Variants in LPP observed in about 807,000 individuals in gnomAD.
LPP encodes the protein LIM domain containing preferred translocation partner in lipoma.
Under a neutral mutation model 60.4 loss-of-function variants are expected in LPP, and 38 were observed. The ratio of observed to expected loss-of-function variants is 0.63; its 90% CI spans 0.49 to 0.83. The LOEUF (loss-of-function observed/expected upper bound fraction) is 0.83, where lower values mean the gene tolerates loss of function less well. Among genes scored for constraint, LPP ranks in the 40% least tolerant of loss-of-function variants. LPP has a pLI of 0.00. For synonymous variants in LPP, 328 were observed against 290.8 expected, an observed-to-expected ratio of 1.13 and a Z score of -1.30; for missense variants, 902 against 783.6, an observed-to-expected ratio of 1.15 and a Z score of -1.80.
intron 6 of LPP, among the ~76,000 whole-genome samples, chr3:188,538,793 G>C (rs1317682350): frequency 6.6e-6 from 1 of 152,114 alleles, no homozygotes; most frequent in Non-Finnish European, 1.5e-5. Flanking sequence ...TCTATCAGTT[G>C]GTGAATGGAT....
intron 6 of LPP, among the ~76,000 whole-genome samples, chr3:188,606,443 T>C (rs1842391495): frequency 6.6e-6 from 1 of 152,120 alleles, no homozygotes; most frequent in Non-Finnish European, 1.5e-5. Context: ...GATAGAGTGG[T>C]ATCTTTTTGT....
intron 4 of LPP, among the ~76,000 whole-genome samples, chr3:188,479,660 G>A (rs1019591007): frequency 3.9e-5 from 6 of 152,206 alleles, no homozygotes; most frequent in African/African-American, 1.2e-4. Flanking sequence ...CTAACCAGGA[G>A]GGAGTGATCA....
chr3:188,742,454 C>G (rs375803800), intron 8 of LPP, among the ~76,000 whole-genome samples: 1 of 151,676 alleles, frequency 6.6e-6, no homozygotes, highest in East Asian at 1.9e-4. Flanking sequence ...GATGACTCAT[C>G]GGTAATAAAT....
At chr3:188,454,639 C>A (rs183735524) in intron 4 of LPP, among the ~76,000 whole-genome samples, 58 of 152,244 alleles carry the variant, frequency 3.8e-4, no homozygotes, top group Non-Finnish European at 7.6e-4. Context: ...CTTACAATTC[C>A]ACATGGCTGG....
intron 1 of LPP, among the ~76,000 whole-genome samples, chr3:188,177,458 A>C (rs965789502): frequency 1.3e-5 from 2 of 152,144 alleles, no homozygotes; most frequent in Non-Finnish European, 2.9e-5. Flanking sequence ...TGAATACAGG[A>C]TTGATCCTGC....
intron 6 of LPP, among the ~76,000 whole-genome samples, chr3:188,533,188 A>G (rs1021490333): frequency 2.0e-5 from 3 of 152,170 alleles, no homozygotes; most frequent in Admixed American, 6.6e-5. Flanking sequence ...GGTGCCCTGG[A>G]TCTTCCCTTC....
chr3:188,553,098 T>G (rs1380954581), intron 6 of LPP, among the ~76,000 whole-genome samples: 3 of 152,158 alleles, frequency 2.0e-5, no homozygotes, highest in Admixed American at 6.5e-5. Flanking sequence ...AGAGGAATAT[T>G]TAATCTATAA....
chr3:188,352,268 C>T lies in LPP; in HGVS notation c.-10+10549C>T, dbSNP rs753163157. 9.9e-5 allele frequency among the ~76,000 whole-genome samples: 15 copies of T among 152,162 alleles called. No individual in the cohort carries two copies. The highest frequency in any genetic ancestry group is 1.8e-4 in the Non-Finnish European group (12 of 68,034). ...TTGGTATTAAGCAAGATGATATTAA[C>T]GAGGTTTGATTGCTGTTCTGAAATG... On this transcript the variant is annotated intron_variant, in intron 3 of 11. Transcript: ENST00000617246. The surrounding 1 kb of genome is among the most constrained non-coding windows in gnomAD (Gnocchi z 4.4).
At chr3:188,504,643 CT>C (rs1249239870) in intron 5 of LPP, among the ~76,000 whole-genome samples, 3 of 152,038 alleles carry the variant, frequency 2.0e-5, no homozygotes, top group Non-Finnish European at 4.4e-5. Flanking sequence ...TAAGTATTAG[CT>C]TTTTTTGTTA....
chr3:188,477,147 G>A (rs562673363), intron 4 of LPP, among the ~76,000 whole-genome samples: 298 of 152,312 alleles, frequency 2.0e-3, no homozygotes, highest in Non-Finnish European at 3.5e-3. Context: ...CTGTATCTTG[G>A]AAGTCAACAT....
At chr3:188,316,108 T>C (rs562837472) in intron 2 of LPP, among the ~76,000 whole-genome samples, 24 of 152,204 alleles carry the variant, frequency 1.6e-4, no homozygotes, top group African/African-American at 5.3e-4. Flanking sequence ...ACCTGATCTC[T>C]ACTAAAAAAA....
Position 188,484,635 on chromosome 3 carries a change from T to C in LPP, c.237T>C (p.Ser79=). 1 of 1,614,106 alleles carries C rather than the reference T, an allele frequency of 6.2e-7. No individual in the cohort carries two copies. Among genetic ancestry groups the C allele is most frequent in the Non-Finnish European group, 8.5e-7 (1 of 1,179,984 alleles). The change falls in exon 5 of 12, where the codon AGT becomes AGC. Residue 79 remains serine, a synonymous_variant. Coordinates refer to ENST00000617246, the MANE Select transcript of LPP (RefSeq NM_001375462.1). ...PPPPPPLDDS[S]ALPSISGNFP... is the part of the protein sequence containing the mutation. ...CACCTCCACCTCTAGATGATTCCAG[T>C]GCCCTTCCATCTATCTCTGGAAACT...
Position 188,169,575 on chromosome 3 carries a change from T to A in LPP, c.-190+15323T>A, listed in dbSNP as rs60295866. 9.1e-3 allele frequency among the ~76,000 whole-genome samples: 1,383 copies of A among 152,210 alleles called. 23 individuals carry two copies. Among genetic ancestry groups the A allele is most frequent in the African/African-American group, 0.03 (1,245 of 41,520 alleles). Reference sequence around the variant, plus strand: ...TGGAAAAGTCCAAGTTAAACAAAATTAAGGAAATTTCAGTATTGTGTATCT... The same window carrying A: ...TGGAAAAGTCCAAGTTAAACAAAATAAAGGAAATTTCAGTATTGTGTATCT... On this transcript the variant is annotated intron_variant, in intron 1 of 11. Coordinates refer to ENST00000617246, the MANE Select transcript of LPP (RefSeq NM_001375462.1).
chr3:188,399,690 A>G lies in LPP; in HGVS notation c.-9-6422A>G, dbSNP rs528082747. ...TCAACCCTTGAATCAGAGTATATAC[A>G]TAAAGATCCCCATATGAGGTTAGTG... On this transcript the variant is annotated intron_variant, in intron 3 of 11. Transcript: ENST00000617246. Among the ~76,000 whole-genome samples the G allele has an allele frequency of 1.3e-4, 20 of 152,338 alleles. No homozygotes were observed. In the East Asian group the frequency reaches 3.1e-3, roughly 23 times the overall value.
chr3:188,610,529 C>T lies in LPP; in HGVS notation c.1113+685C>T, dbSNP rs904866438. On this transcript the variant is annotated intron_variant, in intron 7 of 11. Transcript: ENST00000617246. This position sits in a 1 kb window ranked among gnomAD's most constrained non-coding sequence, Gnocchi z 4.4. ...CCCCTTGTTTATTCATTTTACTAAT[C>T]CTCCAGAAAGAATCTTATTCTTCAG... 6.6e-6 allele frequency among the ~76,000 whole-genome samples: 1 copy of T among 152,192 alleles called. No individual in the cohort carries two copies. The highest frequency in any genetic ancestry group is 2.4e-5 in the African/African-American group (1 of 41,442).
chr3:188,227,940 C>T (rs1383058), intron 2 of LPP, among the ~76,000 whole-genome samples: 139,132 of 152,292 alleles, frequency 0.91, 63,811 homozygotes, highest in East Asian at 1. Flanking sequence ...TCATGGTACT[C>T]ACACAGTGGA....
intron 6 of LPP, among the ~76,000 whole-genome samples, chr3:188,563,286 G>A (rs1831173607): frequency 6.6e-6 from 1 of 151,706 alleles, no homozygotes; most frequent in African/African-American, 2.4e-5. Context: ...TTATCACAAC[G>A]GATTTCAGCA....
chr3:188,867,117 A>G (rs904794543), intron 10 of LPP, among the ~76,000 whole-genome samples: 2 of 151,848 alleles, frequency 1.3e-5, no homozygotes, highest in African/African-American at 4.8e-5. Context: ...CCACTACTTC[A>G]TTTATCTCAT....
chr3:188,751,630 C>G (rs1236117449), intron 8 of LPP, among the ~76,000 whole-genome samples: 1 of 152,132 alleles, frequency 6.6e-6, no homozygotes, highest in Admixed American at 6.6e-5. Context: ...GTTAAGTGGA[C>G]AGATGTAAAG....
Sources: gnomAD v4.1 joint callset for allele counts (sites outside exome capture counted in the v4.1 genomes callset) on GRCh38, gnomAD v4.1.1 for gene constraint, Gnocchi (gnomAD v3.1) non-coding constraint, MANE v1.5 for transcripts, NCBI Gene and HGNC (gene_info 2026-07-23, HGNC 2026-07-21) for gene names.